Variants in PDE4D observed in about 807,000 individuals in gnomAD.
PDE4D encodes the protein phosphodiesterase 4D.
PDE4D carries 24 observed loss-of-function variants against 87.4 expected under a neutral mutation model. That is an observed-to-expected ratio of 0.27 (90% CI 0.20 to 0.39). The LOEUF is 0.39. Among genes scored for constraint, PDE4D ranks in the 10% least tolerant of loss-of-function variants. PDE4D has a pLI of 1.00. For missense variants in PDE4D, 714 were observed against 1,041.0 expected (o/e 0.69, Z 4.32); for synonymous variants, 384 against 383.2 (o/e 1.00, Z -0.02).
intron 1 of PDE4D, among the ~76,000 whole-genome samples, chr5:59,638,442 C>T (rs1740972702): frequency 6.6e-6 from 1 of 152,050 alleles, no homozygotes. Flanking sequence ...CTATGCCTAA[C>T]ATCAGATACT....
intron 1 of PDE4D, among the ~76,000 whole-genome samples, chr5:59,649,412 G>A (rs186192218): frequency 1.4e-3 from 220 of 152,232 alleles, no homozygotes; most frequent in African/African-American, 4.9e-3. Context: ...CGTCAGCAGG[G>A]CAGAGTGGTG....
intron 1 of PDE4D, among the ~76,000 whole-genome samples, chr5:59,769,586 T>C (rs981931201): frequency 1.3e-5 from 2 of 152,156 alleles, no homozygotes; most frequent in Non-Finnish European, 2.9e-5. Flanking sequence ...AATTTTGCAA[T>C]TGGAAAAAAA....
At chr5:59,205,653 A>AACAC (rs35509503) in intron 2 of PDE4D, among the ~76,000 whole-genome samples, 23,410 of 136,152 alleles carry the variant, frequency 0.17, 2,164 homozygotes, top group Non-Finnish European at 0.2. Context: ...CCACTAGCTA[A>AACAC]ACACACACAC....
intron 3 of PDE4D, among the ~76,000 whole-genome samples, chr5:59,185,493 T>A (rs1301782807): frequency 6.6e-6 from 1 of 152,170 alleles, no homozygotes; most frequent in Non-Finnish European, 1.5e-5. Flanking sequence ...ATGGTGACAG[T>A]AGCAGCAGTT....
intron 2 of PDE4D, among the ~76,000 whole-genome samples, chr5:60,052,628 C>T (rs1350689892): frequency 6.6e-6 from 1 of 152,150 alleles, no homozygotes; most frequent in Non-Finnish European, 1.5e-5. Context: ...AAAACAGGCA[C>T]AAGACAAGGA....
At chr5:59,947,888 T>A (rs181327942) in intron 3 of PDE4D, among the ~76,000 whole-genome samples, 5 of 152,210 alleles carry the variant, frequency 3.3e-5, no homozygotes, top group Non-Finnish European at 7.4e-5. Flanking sequence ...ACGCCTATAA[T>A]CCCAGCTACT....
At chr5:60,273,905 G>A (rs557741476) in intron 1 of PDE4D, among the ~76,000 whole-genome samples, 1 of 152,260 alleles carries the variant, frequency 6.6e-6, no homozygotes, top group South Asian at 2.1e-4. Context: ...GCCTGGCCAC[G>A]GAGTGATCAA....
chr5:59,745,075 A>C (rs1759411610), intron 1 of PDE4D, among the ~76,000 whole-genome samples: 1 of 152,226 alleles, frequency 6.6e-6, no homozygotes, highest in Non-Finnish European at 1.5e-5. Context: ...CAATGGTGTC[A>C]CATAATCCTG....
At chr5:59,886,057 A>C (rs1333416192) in intron 1 of PDE4D, among the ~76,000 whole-genome samples, 1 of 152,218 alleles carries the variant, frequency 6.6e-6, no homozygotes, top group African/African-American at 2.4e-5. Flanking sequence ...TGTCTGAGAG[A>C]GCACAAACTA....
chr5:59,982,516 T>C (rs1762028694), intron 3 of PDE4D, among the ~76,000 whole-genome samples: 1 of 152,142 alleles, frequency 6.6e-6, no homozygotes, highest in Non-Finnish European at 1.5e-5. Context: ...GGAATGTAAG[T>C]CAGTGCCCAA....
chr5:59,944,062 A>C (rs534120912), intron 3 of PDE4D, among the ~76,000 whole-genome samples: 21 of 152,334 alleles, frequency 1.4e-4, no homozygotes, highest in Admixed American at 1.0e-3. Flanking sequence ...ACAGATCCTT[A>C]AAGTGTCCAG....
intron 1 of PDE4D, among the ~76,000 whole-genome samples, chr5:59,261,779 A>G (rs1181521140): frequency 6.6e-6 from 1 of 151,818 alleles, no homozygotes; most frequent in African/African-American, 2.4e-5. Flanking sequence ...TTAAATAAAA[A>G]TAAATTTAAA....
At chr5:60,434,076 T>TA (rs1029693907) in intron 1 of PDE4D, among the ~76,000 whole-genome samples, 14 of 149,176 alleles carry the variant, frequency 9.4e-5, no homozygotes, top group Admixed American at 2.7e-4. Context: ...AACTAATATT[T>TA]AAAAAAAAAA....
At chr5:60,060,942 G>A (rs532509305) in intron 2 of PDE4D, among the ~76,000 whole-genome samples, 1 of 152,132 alleles carries the variant, frequency 6.6e-6, no homozygotes, top group African/African-American at 2.4e-5. Context: ...AAAGTAATAA[G>A]AGCTACTTCT....
In PDE4D at chr5:59,061,766, T is replaced by C. The variant is rs1763149810; in HGVS notation, c.809-22795A>G. On this transcript the variant is annotated intron_variant, in intron 5 of 14. Transcript: ENST00000340635. Reference sequence around the variant, plus strand: ...TCAAACTCGTTTTGGGAAAAAAAATTGCAACTGTCAGAAATGTGTTAGCTA... The same window carrying C: ...TCAAACTCGTTTTGGGAAAAAAAATCGCAACTGTCAGAAATGTGTTAGCTA... Among the ~76,000 whole-genome samples the C allele has an allele frequency of 4.6e-5, 7 of 152,248 alleles. No homozygotes were observed. In the South Asian group the frequency reaches 1.5e-3, roughly 32 times the overall value.
intron 1 of PDE4D, among the ~76,000 whole-genome samples, chr5:59,303,884 G>A (rs1770753780): frequency 6.6e-6 from 1 of 151,996 alleles, no homozygotes; most frequent in Non-Finnish European, 1.5e-5. Flanking sequence ...CTCTTTTTTG[G>A]TTCCATCTGA....
intron 1 of PDE4D, among the ~76,000 whole-genome samples, chr5:59,227,137 A>G (rs1449618798): frequency 1.4e-4 from 21 of 152,126 alleles, no homozygotes; most frequent in Admixed American, 1.4e-3. Context: ...TTCTAAGATC[A>G]CTTCTAAGAT....
intron 1 of PDE4D, among the ~76,000 whole-genome samples, chr5:60,231,160 A>T (rs1424844463): frequency 6.6e-6 from 1 of 151,988 alleles, no homozygotes; most frequent in Non-Finnish European, 1.5e-5. Context: ...CCATTTTCTG[A>T]TAGTGACAGC....
At chr5:60,350,220 T>C (rs1222314454) in intron 1 of PDE4D, among the ~76,000 whole-genome samples, 5 of 152,108 alleles carry the variant, frequency 3.3e-5, no homozygotes, top group Non-Finnish European at 7.4e-5. Context: ...ATGGCTCAGG[T>C]TCGAGCCTAT....
Sources: allele counts gnomAD v4.1 joint callset (sites outside exome capture counted in the v4.1 genomes callset), GRCh38; gene constraint gnomAD v4.1.1; transcripts MANE v1.5; gene names NCBI Gene and HGNC (gene_info 2026-07-23, HGNC 2026-07-21).